Variants in ELP4 observed in about 807,000 individuals in gnomAD.
The protein encoded by ELP4 is elongator acetyltransferase complex subunit 4.
In ELP4, 51 loss-of-function variants were observed where a neutral mutation model predicts 48.9. That is an observed-to-expected ratio of 1.04 (90% confidence interval 0.83 to 1.32). The LOEUF (loss-of-function observed/expected upper bound fraction) is 1.32. Among genes scored for constraint, ELP4 ranks in the 40% most tolerant of loss-of-function variants. The pLI is 0.00. For synonymous variants in ELP4, 210 were observed against 189.2 expected (o/e 1.11, Z -0.90); for missense variants, 519 against 514.6 (o/e 1.01, Z -0.08).
At chr11:31,552,195 C>T (rs556306258) in intron 3 of ELP4, among the ~76,000 whole-genome samples, 2 of 152,246 alleles carry the variant, frequency 1.3e-5, no homozygotes, top group Admixed American at 6.5e-5. Context: ...TCTTATTCTT[C>T]TTTGCTAGTT....
rs536504504 is a variant in ELP4, at chr11:31,537,543, A to G, written c.260-2119A>G. On this transcript the variant is annotated intron_variant, in intron 2 of 9. Transcript: ENST00000640961. ...GGTAATTTGTAAAGAAAATAGGTTT[A>G]ATTGGCTCATGGTTCTGCAGGCCAT... 3.9e-5 allele frequency among the ~76,000 whole-genome samples: 6 copies of G among 152,328 alleles called. No individual in the cohort carries two copies. The South Asian group carries it at 1.0e-3, about 26-fold the overall frequency.
At chr11:31,544,436 T>C (rs1044639713) in intron 3 of ELP4, among the ~76,000 whole-genome samples, 9 of 152,072 alleles carry the variant, frequency 5.9e-5, no homozygotes, top group Non-Finnish European at 8.8e-5. Flanking sequence ...AAGGCGGCAG[T>C]GAGGCTGGGG....
intron 3 of ELP4, among the ~76,000 whole-genome samples, chr11:31,576,816 C>A (rs1413356108): frequency 6.6e-6 from 1 of 152,056 alleles, no homozygotes; most frequent in Non-Finnish European, 1.5e-5. Context: ...ATTTATAGCA[C>A]TAAATGCCCA....
intron 7 of ELP4, among the ~76,000 whole-genome samples, chr11:31,643,147 A>G (rs962523480): frequency 3.3e-5 from 5 of 151,790 alleles, no homozygotes; most frequent in African/African-American, 1.2e-4. Context: ...CAACCACTAC[A>G]TCATGTATTA....
chr11:31,575,066 T>G (rs1234656122), intron 3 of ELP4, among the ~76,000 whole-genome samples: 1 of 152,134 alleles, frequency 6.6e-6, no homozygotes, highest in Non-Finnish European at 1.5e-5. Flanking sequence ...AATGGCTAAC[T>G]AGAATAAACA....
At chr11:31,529,588 A>G (rs1429040184) in intron 2 of ELP4, among the ~76,000 whole-genome samples, 2 of 152,176 alleles carry the variant, frequency 1.3e-5, no homozygotes, top group Non-Finnish European at 2.9e-5. Flanking sequence ...AAGCCCATCA[A>G]ATTAAATAGT....
chr11:31,778,055 G>A (rs1050296182), intron 9 of ELP4, among the ~76,000 whole-genome samples: 2 of 152,174 alleles, frequency 1.3e-5, no homozygotes, highest in African/African-American at 2.4e-5. Flanking sequence ...TTATATAAAG[G>A]GGGGATATGC....
intron 4 of ELP4, chr11:31,600,383 G>C (rs1454657087): frequency 6.6e-6 from 1 of 152,060 alleles, no homozygotes; most frequent in Non-Finnish European, 1.5e-5. Context: ...GACCTACAAT[G>C]ACTCCAGCAA....
At chr11:31,511,686 A>G (rs1177287036) in intron 1 of ELP4, 1 of 152,180 alleles carries the variant, frequency 6.6e-6, no homozygotes, top group Non-Finnish European at 1.5e-5. Context: ...ATTTTTACGT[A>G]TTCTTTCCAG....
chr11:31,746,906 TA>T (rs1335348828), intron 9 of ELP4, among the ~76,000 whole-genome samples: 3 of 145,264 alleles, frequency 2.1e-5, no homozygotes, highest in Non-Finnish European at 4.5e-5. Context: ...ATAATTTTTT[TA>T]AAAAGTGAAA....
At chr11:31,590,493 C>T (rs565307232) in intron 3 of ELP4, among the ~76,000 whole-genome samples, 48 of 152,200 alleles carry the variant, frequency 3.2e-4, no homozygotes, top group Admixed American at 7.2e-4. Context: ...TTCGTGACTT[C>T]GAATGAGGCA....
chr11:31,679,758 A>G (rs568611480), intron 9 of ELP4, among the ~76,000 whole-genome samples: 2 of 152,328 alleles, frequency 1.3e-5, no homozygotes, highest in South Asian at 2.1e-4. Context: ...CGTGTTGGCT[A>G]TTATGGGTCT....
intron 5 of ELP4, among the ~76,000 whole-genome samples, chr11:31,612,184 T>C (rs1026630950): frequency 3.3e-5 from 5 of 152,160 alleles, no homozygotes; most frequent in African/African-American, 1.2e-4. Flanking sequence ...TTATTTAATT[T>C]ATTTAAATGT....
intron 1 of ELP4, among the ~76,000 whole-genome samples, chr11:31,515,023 G>GTATATATA (rs1300342585): frequency 6.6e-5 from 9 of 136,706 alleles, no homozygotes; most frequent in African/African-American, 2.5e-4. Context: ...GTGTGTGTGT[G>GTATATATA]TGTGTGTGTG....
intron 5 of ELP4, among the ~76,000 whole-genome samples, chr11:31,620,611 G>C (rs927906750): frequency 2.0e-5 from 3 of 151,986 alleles, no homozygotes; most frequent in Non-Finnish European, 4.4e-5. Flanking sequence ...AGAAAGGTGA[G>C]TCATGACCCA....
intron 3 of ELP4, 47 bp from the exon 4 acceptor site, chr11:31,594,723 C>T (rs2133989618): frequency 1.5e-6 from 2 of 1,377,720 alleles, no homozygotes; most frequent in Admixed American, 2.9e-5. Context: ...AGAAAATTGT[C>T]ATATTTTACC....
chr11:31,549,814 A>G (rs534993756), intron 3 of ELP4, among the ~76,000 whole-genome samples: 8 of 152,374 alleles, frequency 5.3e-5, no homozygotes, highest in African/African-American at 1.9e-4. Context: ...GCCACAAAAA[A>G]TGATGAGTTC....
intron 9 of ELP4, among the ~76,000 whole-genome samples, chr11:31,683,235 T>C (rs1946091641): frequency 6.6e-6 from 1 of 152,140 alleles, no homozygotes; most frequent in African/African-American, 2.4e-5. Context: ...AAGTAAGCAT[T>C]GAGATTTTTG....
chr11:31,710,705 A>G (rs1946722371), intron 9 of ELP4, among the ~76,000 whole-genome samples: 1 of 152,196 alleles, frequency 6.6e-6, no homozygotes, highest in African/African-American at 2.4e-5. Flanking sequence ...TTCAGAAGAA[A>G]AGAGTTCATT....
Sources: allele counts gnomAD v4.1 joint callset (sites outside exome capture counted in the v4.1 genomes callset), GRCh38; gene constraint gnomAD v4.1.1; transcripts MANE v1.5; gene names NCBI Gene and HGNC (gene_info 2026-07-23, HGNC 2026-07-21).